CDH4: variants seen among roughly 807,000 people sequenced by gnomAD.
CDH4 encodes cadherin 4.
CDH4 carries 33 observed loss-of-function variants against 86.0 expected under a neutral mutation model. The ratio of observed to expected loss-of-function variants is 0.38; its 90% CI spans 0.29 to 0.51. The LOEUF (loss-of-function observed/expected upper bound fraction) is 0.51. Among genes scored for constraint, CDH4 ranks in the 20% least tolerant of loss-of-function variants. The pLI, the probability that CDH4 is intolerant of heterozygous loss-of-function variation, is 0.86. For synonymous variants in CDH4, 555 were observed against 549.4 expected (o/e 1.01, Z -0.14); for missense variants, 1,114 against 1,307.4 (o/e 0.85, Z 2.28).
intron 4 of CDH4, among the ~76,000 whole-genome samples, chr20:61,786,196 G>A (rs147776542): frequency 2.0e-4 from 30 of 152,210 alleles, no homozygotes; most frequent in Non-Finnish European, 3.7e-4. Flanking sequence ...GCAAAACAGC[G>A]TGGCACTTCC....
chr20:61,286,437 C>T (rs566193156), intron 2 of CDH4, among the ~76,000 whole-genome samples: 12 of 152,320 alleles, frequency 7.9e-5, no homozygotes, highest in Admixed American at 1.3e-4. Context: ...ACCCAGCCAC[C>T]GCAGCTTCTG....
chr20:61,323,146 A>T (rs760219152), intron 2 of CDH4, among the ~76,000 whole-genome samples: 4 of 152,186 alleles, frequency 2.6e-5, no homozygotes, highest in Non-Finnish European at 5.9e-5. Context: ...AGGCATGAGG[A>T]TTCCCTTGCG....
At chr20:61,340,185 A>T (rs1393454952) in intron 2 of CDH4, among the ~76,000 whole-genome samples, 1 of 152,200 alleles carries the variant, frequency 6.6e-6, no homozygotes, top group African/African-American at 2.4e-5. Context: ...AAGGGGAGCT[A>T]GCAAGGGAGA....
At chr20:61,818,181 C>T (rs949844341) in intron 4 of CDH4, among the ~76,000 whole-genome samples, 1 of 152,204 alleles carries the variant, frequency 6.6e-6, no homozygotes, top group Non-Finnish European at 1.5e-5. Flanking sequence ...AGGTACACAC[C>T]ACTACGCCTC....
At chr20:61,686,436 C>T (rs60911019) in intron 2 of CDH4, among the ~76,000 whole-genome samples, 23,382 of 148,028 alleles carry the variant, frequency 0.16, 2,125 homozygotes, top group East Asian at 0.36. Context: ...TGTGTATGTG[C>T]GTGTGCGTGT....
chr20:61,413,334 G>T (rs2085129890), intron 2 of CDH4, among the ~76,000 whole-genome samples: 1 of 152,092 alleles, frequency 6.6e-6, no homozygotes, highest in Non-Finnish European at 1.5e-5. Context: ...TTTTGTCCTG[G>T]CAGTCAGGAC....
At chr20:61,561,966 A>G (rs1473436401) in intron 2 of CDH4, among the ~76,000 whole-genome samples, 24 of 142,878 alleles carry the variant, frequency 1.7e-4, no homozygotes, top group East Asian at 8.6e-4. Flanking sequence ...CAGGGCTCCC[A>G]GAGAGAGAGA....
At chr20:61,614,258 A>G (rs949211005) in intron 2 of CDH4, among the ~76,000 whole-genome samples, 1 of 152,094 alleles carries the variant, frequency 6.6e-6, no homozygotes, top group Non-Finnish European at 1.5e-5. Context: ...CTCTGACCCC[A>G]GGAAGAGAAA....
chr20:61,497,680 C>T (rs989249923), intron 2 of CDH4, among the ~76,000 whole-genome samples: 13 of 152,062 alleles, frequency 8.5e-5, no homozygotes, highest in Non-Finnish European at 7.4e-5. Flanking sequence ...CTAGAAATAC[C>T]ATTTGACCCA....
Position 61,392,461 on chromosome 20 carries a change from CTT to C in CDH4, c.169+137529_169+137530del, listed in dbSNP as rs557678540. Among the ~76,000 whole-genome samples, 1,259 of 152,174 alleles carry C rather than the reference CTT, an allele frequency of 8.3e-3. 11 individuals carry two copies. Among genetic ancestry groups the C allele is most frequent in the Middle Eastern group, 0.014 (4 of 294 alleles). The stretch of plus-strand genomic sequence containing the variant: ...GAGTTCCTTGAATATTAAAATTAAC[CTT>C]TTTTAATAACAGAAATGATATAGTC... On this transcript the variant is annotated intron_variant, in intron 2 of 15. Transcript: ENST00000614565. The surrounding 1 kb of genome is among the most constrained non-coding windows in gnomAD (Gnocchi z 5.7).
At chr20:61,408,011 T>G (rs2085093508) in intron 2 of CDH4, among the ~76,000 whole-genome samples, 1 of 152,180 alleles carries the variant, frequency 6.6e-6, no homozygotes, top group African/African-American at 2.4e-5. Context: ...CTGTCTAAAA[T>G]GCAGCAGCAG....
intron 2 of CDH4, among the ~76,000 whole-genome samples, chr20:61,364,289 C>T (rs917645717): frequency 2.0e-5 from 3 of 152,146 alleles, no homozygotes; most frequent in African/African-American, 7.2e-5. Context: ...AGACACAAGC[C>T]GTGGGGGTGG....
intron 2 of CDH4, among the ~76,000 whole-genome samples, chr20:61,466,688 A>G (rs1014503569): frequency 6.6e-6 from 1 of 151,950 alleles, no homozygotes; most frequent in Non-Finnish European, 1.5e-5. Flanking sequence ...TACCTATACA[A>G]AAGTATTAAA....
At chr20:61,801,117 C>T (rs912586333) in intron 4 of CDH4, among the ~76,000 whole-genome samples, 3 of 152,180 alleles carry the variant, frequency 2.0e-5, no homozygotes, top group East Asian at 3.9e-4. Flanking sequence ...GTCCTCAAGA[C>T]GCCACAGCAC....
intron 2 of CDH4, among the ~76,000 whole-genome samples, chr20:61,504,740 A>G (rs1001259191): frequency 7.2e-5 from 11 of 152,166 alleles, no homozygotes; most frequent in Non-Finnish European, 1.3e-4. Context: ...TAATGGCCTA[A>G]ATTGGTACCA....
At chr20:61,800,326 G>C (rs917762495) in intron 4 of CDH4, among the ~76,000 whole-genome samples, 1 of 152,192 alleles carries the variant, frequency 6.6e-6, no homozygotes, top group African/African-American at 2.4e-5. Flanking sequence ...GCAGTTCTGC[G>C]TAGCCGACTC....
intron 4 of CDH4, among the ~76,000 whole-genome samples, chr20:61,818,364 T>C (rs1257177585): frequency 6.6e-6 from 1 of 152,158 alleles, no homozygotes. Flanking sequence ...CTTCCAGGTC[T>C]CTAGGTCAGA....
chr20:61,774,322 C>T (rs1488741742), intron 4 of CDH4, among the ~76,000 whole-genome samples: 2 of 152,190 alleles, frequency 1.3e-5, no homozygotes, highest in African/African-American at 4.8e-5. Flanking sequence ...CCATCCTGGG[C>T]GAGCTTCCCA....
In CDH4 at chr20:61,582,496, C is replaced by A. The variant is rs2086437053; in HGVS notation, c.170-161067C>A. Among the ~76,000 whole-genome samples, 1 of 152,238 alleles carries A rather than the reference C, an allele frequency of 6.6e-6. No homozygotes were observed. The highest frequency in any genetic ancestry group is 2.1e-4 in the South Asian group (1 of 4,832). On this transcript the variant is annotated intron_variant, in intron 2 of 15. Transcript: ENST00000614565. The surrounding 1 kb of genome is among the most constrained non-coding windows in gnomAD (Gnocchi z 4.2). ...GGCTAACTCTCTGGAATGTTCCAACCTGGTTTCTGGGCACCAGCAGTTCCC... is the reference window on the plus strand; with the variant it reads ...GGCTAACTCTCTGGAATGTTCCAACATGGTTTCTGGGCACCAGCAGTTCCC...
Sources: gnomAD v4.1 joint callset for allele counts (sites outside exome capture counted in the v4.1 genomes callset) on GRCh38, gnomAD v4.1.1 for gene constraint, Gnocchi (gnomAD v3.1) non-coding constraint, MANE v1.5 for transcripts, NCBI Gene and HGNC (gene_info 2026-07-23, HGNC 2026-07-21) for gene names.